Variants in EGF observed in about 807,000 individuals in gnomAD.
EGF encodes the protein pro-epidermal growth factor.
EGF carries 95 observed loss-of-function variants against 143.8 expected under a neutral mutation model. The ratio of observed to expected loss-of-function variants is 0.66; its 90% CI spans 0.56 to 0.78. The LOEUF is 0.78. Among genes scored for constraint, EGF ranks in the 30% least tolerant of loss-of-function variants. The probability of loss-of-function intolerance (pLI) is 0.00; values close to 1 mark genes in which losing one functional copy is unlikely to be tolerated. For missense variants in EGF, 1,320 were observed against 1,470.9 expected (o/e 0.90, Z 1.68); for synonymous variants, 510 against 510.5 (o/e 1.00, Z 0.01).
intron 2 of EGF, among the ~76,000 whole-genome samples, chr4:109,942,038 A>G (rs527443935): frequency 1.9e-4 from 29 of 152,188 alleles, no homozygotes; most frequent in Non-Finnish European, 3.2e-4. Flanking sequence ...AAAAGCTTCA[A>G]TTAGGTGCTA....
chr4:109,988,731 G>A, intron 18 of EGF, 22 bp downstream of exon 18: 1 of 1,613,448 alleles, frequency 6.2e-7, no homozygotes, highest in Admixed American at 1.7e-5. Flanking sequence ...CATGTGCTGG[G>A]GAGGAGGGCA....
At chr4:109,988,757 A>G (rs1750522291) in intron 18 of EGF, 48 bp downstream of exon 18, 1 of 1,611,580 alleles carries the variant, frequency 6.2e-7, no homozygotes, top group African/African-American at 1.3e-5. Flanking sequence ...AGGCCTCAGA[A>G]ATCGGGAAAC....
chr4:109,944,329 T>C lies in EGF; in HGVS notation c.737+260T>C, dbSNP rs11568906. Among the ~76,000 whole-genome samples the C allele has an allele frequency of 0.017, 2,521 of 150,288 alleles. 95 individuals are homozygous for C. Among genetic ancestry groups the C allele is most frequent in the African/African-American group, 0.059 (2,336 of 39,776 alleles). On this transcript the variant is annotated intron_variant, in intron 4 of 23. Transcript: ENST00000265171. ...TGGCGAGCACCTGTAGTCCCAGCTA[T>C]TCGGGAGGCTGAGGCAGGAGAATGG...
chr4:109,979,922 T>A (rs370695607), intron 13 of EGF, 50 bp from the exon 14 acceptor site: 119 of 1,605,520 alleles, frequency 7.4e-5, no homozygotes, highest in Non-Finnish European at 8.8e-5. Flanking sequence ...TCGTAAATAG[T>A]CATTGCAAAG....
At chr4:109,993,429 C>A in intron 19 of EGF, 60 bp downstream of exon 19, 1 of 1,604,082 alleles carries the variant, frequency 6.2e-7, no homozygotes. Context: ...TATTCTATAC[C>A]CTAATCTCTA....
At chr4:109,980,627 A>C (rs1027171430) in intron 14 of EGF, 199 bp from the exon 15 acceptor site, 1 of 646,058 alleles carries the variant, frequency 1.5e-6, no homozygotes, top group African/African-American at 1.8e-5. Flanking sequence ...ATAAGGTAAT[A>C]ACATTCTGGG....
chr4:109,955,030 A>G (rs934838308), intron 5 of EGF, among the ~76,000 whole-genome samples: 1 of 152,228 alleles, frequency 6.6e-6, no homozygotes, highest in Non-Finnish European at 1.5e-5. Flanking sequence ...ACCAAAGTTA[A>G]TGGGTTTGAA....
At chr4:109,966,591 T>C (rs1746637990) in intron 10 of EGF, among the ~76,000 whole-genome samples, 1 of 152,196 alleles carries the variant, frequency 6.6e-6, no homozygotes, top group South Asian at 2.1e-4. Context: ...AAAGTCATTC[T>C]ATTTTTAGCT....
intron 10 of EGF, among the ~76,000 whole-genome samples, chr4:109,965,155 G>T (rs1746346607): frequency 6.6e-6 from 1 of 152,056 alleles, no homozygotes; most frequent in Non-Finnish European, 1.5e-5. Context: ...TCTGTGCTAG[G>T]TTAGAATGTG....
At chr4:110,003,317 T>A (rs1362046980) in intron 21 of EGF, among the ~76,000 whole-genome samples, 2 of 152,244 alleles carry the variant, frequency 1.3e-5, no homozygotes, top group African/African-American at 4.8e-5. Context: ...CAAAATTTCA[T>A]GAGCATCTTT....
At chr4:109,957,600 A>C (rs1745001163) in intron 5 of EGF, among the ~76,000 whole-genome samples, 1 of 152,248 alleles carries the variant, frequency 6.6e-6, no homozygotes, top group African/African-American at 2.4e-5. Flanking sequence ...GGGTACAGAC[A>C]AAGGAGACTT....
At chr4:109,974,667 G>A (rs374666601) in intron 11 of EGF, 36 bp from the exon 12 acceptor site, 4 of 1,491,034 alleles carry the variant, frequency 2.7e-6, no homozygotes, top group Non-Finnish European at 3.7e-6. Flanking sequence ...AAGTAAAGGT[G>A]TTATAACAAA....
chr4:109,932,083 T>C (rs1325728471), intron 1 of EGF, among the ~76,000 whole-genome samples: 1 of 151,974 alleles, frequency 6.6e-6, no homozygotes, highest in Admixed American at 6.6e-5. Flanking sequence ...GATGTAAAAA[T>C]TTGTTATTAT....
intron 13 of EGF, among the ~76,000 whole-genome samples, chr4:109,977,764 T>C (rs949292961): frequency 6.6e-6 from 1 of 152,122 alleles, no homozygotes; most frequent in Non-Finnish European, 1.5e-5. Flanking sequence ...CACTTGAGCC[T>C]GGGATGTTGA....
At chr4:109,929,151 A>G (rs768115738) in intron 1 of EGF, among the ~76,000 whole-genome samples, 3 of 152,158 alleles carry the variant, frequency 2.0e-5, no homozygotes, top group African/African-American at 2.4e-5. Flanking sequence ...ACACAACTGA[A>G]CTAAAACACA....
chr4:109,945,257 G>A lies in EGF; in HGVS notation c.922G>A (p.Asp308Asn). Residue 308 changes from aspartate (D) to asparagine (N), a missense_variant, in exon 5 of 24, where the codon GAT (aspartate) becomes AAT (asparagine). Physicochemically the swap from Asp to Asn is conservative, Grantham distance 23. Coordinates refer to ENST00000265171, the MANE Select transcript of EGF (RefSeq NM_001963.6). ...VHPLAQPKAEDDTWEPEQKLC... is the reference protein window; with the variant it reads ...VHPLAQPKAENDTWEPEQKLC... ...TCCACTTGCACAACCCAAGGCAGAA[G>A]ATGACACTTGGGAGCCTGGTGAGTC... 6.2e-7 allele frequency: 1 copy of A among 1,613,992 alleles called. No individual in the cohort carries two copies. Among genetic ancestry groups the A allele is most frequent in the Non-Finnish European group, 8.5e-7 (1 of 1,179,970 alleles).
At chr4:109,920,216 T>A (rs538397768) in intron 1 of EGF, among the ~76,000 whole-genome samples, 3 of 151,716 alleles carry the variant, frequency 2.0e-5, no homozygotes, top group Non-Finnish European at 4.4e-5. Context: ...TTGATTACAA[T>A]AGAGGAAACT....
chr4:109,951,385 G>A (rs1008867432), intron 5 of EGF, among the ~76,000 whole-genome samples: 16 of 151,490 alleles, frequency 1.1e-4, no homozygotes, highest in Non-Finnish European at 1.9e-4. Context: ...AAAAAACCAA[G>A]TGAAAAAAAA....
chr4:109,948,457 G>C (rs1743225556), intron 5 of EGF, among the ~76,000 whole-genome samples: 1 of 152,072 alleles, frequency 6.6e-6, no homozygotes, highest in Non-Finnish European at 1.5e-5. Context: ...AAATTTTATT[G>C]GGTTTTCAAT....
Sources: gnomAD v4.1 joint callset for allele counts (sites outside exome capture counted in the v4.1 genomes callset) on GRCh38, gnomAD v4.1.1 for gene constraint, MANE v1.5 for transcripts, NCBI Gene and HGNC (gene_info 2026-07-23, HGNC 2026-07-21) for gene names.